C8orf34: variants seen among roughly 807,000 people sequenced by gnomAD.
C8orf34 encodes chromosome 8 open reading frame 34, also known as uncharacterized protein C8orf34.
In C8orf34, 65 loss-of-function variants were observed where a neutral mutation model predicts 68.3. The observed-to-expected ratio is 0.95, with a 90% CI of 0.78 to 1.17. The LOEUF is 1.17. Among genes scored for constraint, C8orf34 ranks in the 50% most tolerant of loss-of-function variants. C8orf34 has a pLI of 0.00. For missense variants in C8orf34, 664 were observed against 655.4 expected (o/e 1.01, Z -0.14); for synonymous variants, 244 against 241.2 (o/e 1.01, Z -0.11).
intron 7 of C8orf34, among the ~76,000 whole-genome samples, chr8:68,597,214 C>A (rs1817569845): frequency 6.6e-6 from 1 of 151,870 alleles, no homozygotes; most frequent in Non-Finnish European, 1.5e-5. Context: ...GGCAGGATAC[C>A]CCCTTGGAAC....
intron 10 of C8orf34, among the ~76,000 whole-genome samples, chr8:68,748,367 A>G (rs1253972636): frequency 1.4e-5 from 2 of 147,944 alleles, no homozygotes; most frequent in African/African-American, 5.1e-5. Flanking sequence ...AATGGCAACA[A>G]AAGCCAAAAT....
chr8:68,488,705 T>C (rs1445847735), intron 5 of C8orf34, among the ~76,000 whole-genome samples: 1 of 152,158 alleles, frequency 6.6e-6, no homozygotes, highest in African/African-American at 2.4e-5. Context: ...ATCAAATTTG[T>C]CAGGTTTGGA....
intron 10 of C8orf34, among the ~76,000 whole-genome samples, chr8:68,745,522 AT>A (rs1341490628): frequency 6.6e-6 from 1 of 152,210 alleles, no homozygotes; most frequent in Non-Finnish European, 1.5e-5. Flanking sequence ...TAGGCTCAAA[AT>A]AAAAGAATGG....
Position 68,772,839 on chromosome 8 carries a change from C to A in C8orf34, c.1405-3560C>A, listed in dbSNP as rs569299493. On this transcript the variant is annotated intron_variant, in intron 10 of 13. Coordinates refer to ENST00000518698, the MANE Select transcript of C8orf34 (RefSeq NM_052958.4). ...CTTTCTGTCTGTCTTTCTTTTCTTT[C>A]TTTCTCTCTTTCTCTCCTTCCTTCC... is the stretch of plus-strand genomic sequence containing the variant. Among the ~76,000 whole-genome samples the A allele has an allele frequency of 7.8e-3, 1,123 of 144,058 alleles. 16 individuals carry two copies. The highest frequency in any genetic ancestry group is 0.028 in the African/African-American group (1,079 of 38,424). The allele number at this position is 144,058 out of a possible 152,430, so 94.5% of individuals were successfully genotyped here. A position where few individuals can be genotyped will look rare whatever the true frequency, so the allele number is the denominator to read the frequency against.
At chr8:68,394,628 T>C (rs190385871) in intron 1 of C8orf34, among the ~76,000 whole-genome samples, 11 of 152,294 alleles carry the variant, frequency 7.2e-5, no homozygotes. Context: ...GTTTCTAAAC[T>C]TATACTATTT....
intron 10 of C8orf34, among the ~76,000 whole-genome samples, chr8:68,751,713 G>T (rs997843927): frequency 1.3e-5 from 2 of 151,948 alleles, no homozygotes; most frequent in Admixed American, 1.3e-4. Flanking sequence ...GCCATACTAA[G>T]TGAAGTAAAC....
At position 68,409,822 on chromosome 8, in the gene C8orf34, C is replaced by T. The variant is rs879620171; in HGVS notation, c.328-29677C>T. ...ATAGTATGTGCCCTATATAAGAGAA[C>T]ATTTGAAAAATCTTTTATATCATAT... On this transcript the variant is annotated intron_variant, in intron 1 of 13. Coordinates refer to ENST00000518698, the MANE Select transcript of C8orf34 (RefSeq NM_052958.4). 1.3e-3 allele frequency among the ~76,000 whole-genome samples: 194 copies of T among 152,268 alleles called. 1 individual carries two copies. Among genetic ancestry groups the T allele is most frequent in the African/African-American group, 4.5e-3 (189 of 41,564 alleles).
intron 7 of C8orf34, among the ~76,000 whole-genome samples, chr8:68,538,860 T>C (rs1815591307): frequency 6.6e-6 from 1 of 152,190 alleles, no homozygotes; most frequent in Admixed American, 6.5e-5. Flanking sequence ...TGTAAATGTA[T>C]AATTCCTAGG....
intron 4 of C8orf34, among the ~76,000 whole-genome samples, chr8:68,487,503 A>G (rs1813128719): frequency 6.6e-6 from 1 of 152,166 alleles, no homozygotes; most frequent in Non-Finnish European, 1.5e-5. Context: ...TCATTTACGC[A>G]TTGGCTCGAG....
intron 8 of C8orf34, among the ~76,000 whole-genome samples, chr8:68,641,649 T>G (rs769067987): frequency 1.3e-5 from 2 of 152,332 alleles, no homozygotes; most frequent in African/African-American, 2.4e-5. Context: ...TATTTACATT[T>G]TGACTGGAGA....
intron 7 of C8orf34, among the ~76,000 whole-genome samples, chr8:68,569,929 A>C (rs1816711754): frequency 6.6e-6 from 1 of 152,174 alleles, no homozygotes; most frequent in Non-Finnish European, 1.5e-5. Context: ...GAAAAGAAAA[A>C]GTGAAGTGAT....
chr8:68,734,232 T>C (rs894543140), intron 10 of C8orf34, among the ~76,000 whole-genome samples: 3 of 151,980 alleles, frequency 2.0e-5, no homozygotes, highest in African/African-American at 7.2e-5. Flanking sequence ...GAAATGGCCA[T>C]GTAGGGTCTG....
At position 68,468,739 on chromosome 8, in the gene C8orf34, C is replaced by G. The variant is rs1563465459; in HGVS notation, c.655C>G (p.Gln219Glu). Residue 219 changes from glutamine (Q) to glutamate (E), a missense_variant, in exon 4 of 14, where the codon CAA (glutamine) becomes GAA (glutamate). Physicochemically the swap from Gln to Glu is conservative, Grantham distance 29. Coordinates refer to ENST00000518698, the MANE Select transcript of C8orf34 (RefSeq NM_052958.4). ...AAAGTGGAACTGGAGGACTAAACCACAAAGCCGTGATTTTGATGAATTGAA... is the reference window on the plus strand; with the variant it reads ...AAAGTGGAACTGGAGGACTAAACCAGAAAGCCGTGATTTTGATGAATTGAA... ...HPKWNWRTKPQSRDFDELNHI... is the reference protein window; with the variant it reads ...HPKWNWRTKPESRDFDELNHI... The G allele has an allele frequency of 4.3e-6, 7 of 1,612,854 alleles. No individual in the cohort carries two copies. The highest frequency in any genetic ancestry group is 5.9e-6 in the Non-Finnish European group (7 of 1,179,270).
chr8:68,775,653 G>C (rs1823494194), intron 10 of C8orf34, among the ~76,000 whole-genome samples: 1 of 152,162 alleles, frequency 6.6e-6, no homozygotes, highest in Non-Finnish European at 1.5e-5. Flanking sequence ...TTAAGTCCAT[G>C]TTTTAGATCG....
At chr8:68,566,324 T>A (rs1207242699) in intron 7 of C8orf34, among the ~76,000 whole-genome samples, 1 of 152,126 alleles carries the variant, frequency 6.6e-6, no homozygotes, top group Non-Finnish European at 1.5e-5. Context: ...GCCTCCACCC[T>A]CAAGTAGAAC....
intron 12 of C8orf34, among the ~76,000 whole-genome samples, chr8:68,799,376 T>C (rs966653179): frequency 2.6e-5 from 4 of 152,208 alleles, no homozygotes; most frequent in Admixed American, 1.3e-4. Flanking sequence ...TAGGAATGTA[T>C]TGGCTGACTG....
chr8:68,729,650 A>G (rs1821926296), intron 10 of C8orf34, among the ~76,000 whole-genome samples: 1 of 152,202 alleles, frequency 6.6e-6, no homozygotes, highest in Non-Finnish European at 1.5e-5. Flanking sequence ...CTTGAAAGAA[A>G]ATTATAAAAT....
rs1585711760 is a variant in C8orf34 at position 68,675,401 on chromosome 8, G to C, written c.1242-33593G>C. ...TATAAAAAGATATAAATAGAAACAA[G>C]AAAAAGTTAAAAAGTGGAGAGACAA... On this transcript the variant is annotated intron_variant, in intron 8 of 13. Coordinates refer to ENST00000518698, the MANE Select transcript of C8orf34 (RefSeq NM_052958.4). Among the ~76,000 whole-genome samples, 4 of 152,082 alleles carry C rather than the reference G, an allele frequency of 2.6e-5. No homozygotes were observed. In the South Asian group the frequency reaches 8.3e-4, roughly 31 times the overall value.
At chr8:68,414,855 T>TCC (rs140708669) in intron 1 of C8orf34, among the ~76,000 whole-genome samples, 1 of 152,162 alleles carries the variant, frequency 6.6e-6, no homozygotes, top group African/African-American at 2.4e-5. Flanking sequence ...TGTCCACCAT[T>TCC]CCCTCTTCTT....
Sources: gnomAD v4.1 joint callset for allele counts (sites outside exome capture counted in the v4.1 genomes callset) on GRCh38, gnomAD v4.1.1 for gene constraint, MANE v1.5 for transcripts, NCBI Gene and HGNC (gene_info 2026-07-23, HGNC 2026-07-21) for gene names.